BCKDHB: variants seen among roughly 807,000 people sequenced by gnomAD.
The protein encoded by BCKDHB is 2-oxoisovalerate dehydrogenase subunit beta, mitochondrial.
A neutral mutation model predicts 48.5 loss-of-function variants in BCKDHB; 41 were observed. The observed-to-expected ratio is 0.85, with a 90% confidence interval of 0.66 to 1.10. BCKDHB has a LOEUF of 1.10. Among genes scored for constraint, BCKDHB ranks in the 50% least tolerant of loss-of-function variants. The probability of loss-of-function intolerance (pLI) is 0.00; values close to 1 mark genes in which losing one functional copy is unlikely to be tolerated. For missense variants in BCKDHB, 496 were observed against 494.2 expected, an observed-to-expected ratio of 1.00 and a Z score of -0.03; for synonymous variants, 201 against 174.8, an observed-to-expected ratio of 1.15 and a Z score of -1.18.
chr6:80,231,043 C>A (rs927465715), intron 8 of BCKDHB, among the ~76,000 whole-genome samples: 1 of 152,158 alleles, frequency 6.6e-6, no homozygotes, highest in Admixed American at 6.5e-5. Flanking sequence ...CTCTTCATTG[C>A]CAGTGGTTGG....
At position 80,133,641 on chromosome 6, in the gene BCKDHB, T is replaced by G. The variant is rs79471676; in HGVS notation, c.343+4412T>G. The stretch of plus-strand genomic sequence containing the variant: ...TTTATGTTGAATGCCACACATGCTT[T>G]CTTTCTTTCTTTTTTTTTTAAGACA... On this transcript the variant is annotated intron_variant, in intron 3 of 9. Coordinates refer to ENST00000320393, the MANE Select transcript of BCKDHB (RefSeq NM_183050.4). 1.5e-3 allele frequency among the ~76,000 whole-genome samples: 223 copies of G among 152,048 alleles called. 3 individuals are homozygous for G. In the East Asian group the frequency reaches 0.025, roughly 17 times the overall value.
At chr6:80,231,976 A>G (rs56263407) in intron 8 of BCKDHB, among the ~76,000 whole-genome samples, 2,971 of 152,296 alleles carry the variant, frequency 0.02, 87 homozygotes, top group African/African-American at 0.068. Flanking sequence ...AAATCACTGT[A>G]CTGCTGCAAA....
chr6:80,406,434 G>T, the BCKDHB span, among the ~76,000 whole-genome samples: 3 of 152,180 alleles, frequency 2.0e-5, no homozygotes, highest in African/African-American at 7.2e-5. Flanking sequence ...TCACCACACT[G>T]TCTTCCACAA....
At chr6:80,465,094 C>T in the BCKDHB span, among the ~76,000 whole-genome samples, 1 of 152,196 alleles carries the variant, frequency 6.6e-6, no homozygotes, top group South Asian at 2.1e-4. Context: ...CAGTTTGGGT[C>T]ATTCAGCTCC....
chr6:80,174,556 C>T (rs551445811), intron 6 of BCKDHB, among the ~76,000 whole-genome samples: 1 of 152,202 alleles, frequency 6.6e-6, no homozygotes, highest in Non-Finnish European at 1.5e-5. Context: ...AAAAAATTTG[C>T]GTATAAGTGG....
chr6:80,240,386 C>A (rs113203021), intron 8 of BCKDHB, among the ~76,000 whole-genome samples: 2 of 152,012 alleles, frequency 1.3e-5, no homozygotes, highest in Non-Finnish European at 2.9e-5. Context: ...AACTCACATG[C>A]CTTGTAAGTT....
At chr6:80,379,960 C>A in the BCKDHB span, among the ~76,000 whole-genome samples, 1 of 151,810 alleles carries the variant, frequency 6.6e-6, no homozygotes, top group Non-Finnish European at 1.5e-5. Flanking sequence ...AGAAAAATAC[C>A]CCATGCTCAT....
intron 3 of BCKDHB, among the ~76,000 whole-genome samples, chr6:80,154,042 C>G (rs749867313): frequency 6.6e-6 from 1 of 152,204 alleles, no homozygotes; most frequent in Non-Finnish European, 1.5e-5. Flanking sequence ...TTACCTTCTA[C>G]CTGTGCCTGT....
intron 8 of BCKDHB, among the ~76,000 whole-genome samples, chr6:80,208,560 C>G: frequency 6.6e-6 from 1 of 151,542 alleles, no homozygotes; most frequent in East Asian, 1.9e-4. Context: ...AAACTTTTAA[C>G]TAATGGAAAA....
At chr6:80,357,776 C>G in the BCKDHB span, among the ~76,000 whole-genome samples, 1 of 152,270 alleles carries the variant, frequency 6.6e-6, no homozygotes, top group East Asian at 1.9e-4. Flanking sequence ...CTCTGAAAGT[C>G]TTCAGTTTTC....
Position 80,127,601 on chromosome 6 carries a change from C to G in BCKDHB, c.251C>G (p.Ser84Ter). 6.2e-7 allele frequency: 1 copy of G among 1,613,232 alleles called. No homozygotes were observed. The highest frequency in any genetic ancestry group is 8.5e-7 in the Non-Finnish European group (1 of 1,179,402). ...FQSVTSALDN[S>*]LAKDPTAVIF... ...TCTGTAACAAGTGCCTTGGATAACT[C>G]ATTGGCCAAAGATCCTACTGCAGGT... The change falls in exon 2 of 10, where the codon TCA (serine) becomes TGA (stop). Residue 84 changes from serine (S) to a stop codon, truncating the protein, a stop_gained. Transcript: ENST00000320393. LOFTEE classifies it high-confidence loss of function.
intron 3 of BCKDHB, among the ~76,000 whole-genome samples, chr6:80,133,452 GAAGA>G (rs1051751174): frequency 2.0e-5 from 3 of 152,140 alleles, no homozygotes; most frequent in Non-Finnish European, 4.4e-5. Flanking sequence ...TTGAAAATTA[GAAGA>G]AAGAAAATAG....
At chr6:80,135,019 T>C (rs1433592261) in intron 3 of BCKDHB, among the ~76,000 whole-genome samples, 2 of 152,168 alleles carry the variant, frequency 1.3e-5, no homozygotes, top group African/African-American at 4.8e-5. Context: ...CCCAAAGTGC[T>C]GGGATTATAG....
At chr6:80,226,721 G>C (rs1212770779) in intron 8 of BCKDHB, among the ~76,000 whole-genome samples, 2 of 152,224 alleles carry the variant, frequency 1.3e-5, no homozygotes, top group African/African-American at 4.8e-5. Context: ...AGCTGTAGCT[G>C]TCAGGTTTTT....
intron 8 of BCKDHB, among the ~76,000 whole-genome samples, chr6:80,265,796 C>T (rs1157230363): frequency 1.3e-5 from 2 of 152,050 alleles, no homozygotes; most frequent in Non-Finnish European, 2.9e-5. Flanking sequence ...ATGGTAACAA[C>T]ACTTGAATGA....
Position 80,106,808 on chromosome 6 carries a change from G to A in BCKDHB, c.115G>A (p.Ala39Thr), listed in dbSNP as rs914935376. Residue 39 changes from alanine to threonine, a missense_variant, in exon 1 of 10, where the codon GCC becomes ACC. Transcript: ENST00000320393. ...GCTGGCGCGGGGCTTTTTGCACCCC[G>A]CCGCGACTGTCGAGGATGCGGCCCA... ...AGLARGFLHPAATVEDAAQRR... is the reference protein window; with the variant it reads ...AGLARGFLHPTATVEDAAQRR... 7.5e-6 allele frequency: 12 copies of A among 1,603,892 alleles called. No homozygotes were observed. The highest frequency in any genetic ancestry group is 3.6e-4 in the Middle Eastern group (2 of 5,604).
At chr6:80,191,896 T>C (rs1353868512) in intron 6 of BCKDHB, among the ~76,000 whole-genome samples, 1 of 152,206 alleles carries the variant, frequency 6.6e-6, no homozygotes, top group Non-Finnish European at 1.5e-5. Context: ...ATCTTTCAAT[T>C]TTTTAATGAA....
the BCKDHB span, among the ~76,000 whole-genome samples, chr6:80,432,190 G>T: frequency 6.6e-6 from 1 of 151,958 alleles, no homozygotes; most frequent in African/African-American, 2.4e-5. Flanking sequence ...CTCTTCTTGA[G>T]GTGTTCTCTG....
At chr6:80,322,244 T>C (rs1451346094) in intron 9 of BCKDHB, among the ~76,000 whole-genome samples, 2 of 109,144 alleles carry the variant, frequency 1.8e-5, no homozygotes, top group Non-Finnish European at 3.9e-5. Context: ...TTTTCTTTTT[T>C]TTTTTTTTTT....
Sources: gnomAD v4.1 joint callset for allele counts (sites outside exome capture counted in the v4.1 genomes callset) on GRCh38, gnomAD v4.1.1 for gene constraint, MANE v1.5 for transcripts, NCBI Gene and HGNC (gene_info 2026-07-23, HGNC 2026-07-21) for gene names.